Variants in COL4A5 observed in about 807,000 individuals in gnomAD.
The protein encoded by COL4A5 is collagen alpha-5(IV) chain.
In COL4A5, 26 loss-of-function variants were observed where a neutral mutation model predicts 130.2. The observed-to-expected ratio is 0.20, with a 90% CI of 0.15 to 0.28. The LOEUF is 0.28. COL4A5 is among the 10% of genes least tolerant of loss of function. The pLI, the probability that COL4A5 is intolerant of heterozygous loss-of-function variation, is 1.00. For missense variants in COL4A5, 1,131 were observed against 1,344.3 expected, an observed-to-expected ratio of 0.84 and a Z score of 2.48; for synonymous variants, 496 against 439.6, an observed-to-expected ratio of 1.13 and a Z score of -1.60.
At chrX:108,645,687 G>A (rs1320833763) in intron 36 of COL4A5, among the ~76,000 whole-genome samples, 23 of 107,205 alleles carry the variant, frequency 2.1e-4, no homozygotes, top group Middle Eastern at 4.7e-3. Context: ...CCATTAACTC[G>A]TCATTTAGCA....
intron 43 of COL4A5, among the ~76,000 whole-genome samples, chrX:108,675,173 A>G (rs1450640804): frequency 9.0e-6 from 1 of 111,562 alleles, no homozygotes; most frequent in Non-Finnish European, 1.9e-5. Context: ...GAGATATACT[A>G]TTGAATACTG....
intron 1 of COL4A5, among the ~76,000 whole-genome samples, chrX:108,442,198 G>T (rs781553776): frequency 9.0e-6 from 1 of 111,726 alleles, no homozygotes; most frequent in African/African-American, 3.2e-5. Flanking sequence ...AAAACTGGTT[G>T]GTGGTAGGGC....
chrX:108,619,660 A>G (rs1051061754), intron 30 of COL4A5, among the ~76,000 whole-genome samples: 1 of 112,004 alleles, frequency 8.9e-6, no homozygotes, highest in Non-Finnish European at 1.9e-5. Context: ...TATTAAAACA[A>G]TGTGCAAAAC....
intron 2 of COL4A5, among the ~76,000 whole-genome samples, chrX:108,552,477 C>T (rs1161346702): frequency 9.0e-6 from 1 of 111,319 alleles, no homozygotes; most frequent in Non-Finnish European, 1.9e-5. Flanking sequence ...AAAAATCAGT[C>T]ATATGTCCAT....
chrX:108,643,536 C>T (rs1473123330), intron 36 of COL4A5, among the ~76,000 whole-genome samples: 1 of 111,822 alleles, frequency 8.9e-6, no homozygotes, highest in African/African-American at 3.3e-5. Flanking sequence ...ACCCTACAAG[C>T]TTGAAGGGAT....
intron 2 of COL4A5, among the ~76,000 whole-genome samples, chrX:108,553,926 A>G (rs2065786338): frequency 8.9e-6 from 1 of 112,146 alleles, no homozygotes; most frequent in Non-Finnish European, 1.9e-5. Context: ...TCACCATAAC[A>G]AGTTTGAATC....
At chrX:108,546,041 G>GA (rs2065646201) in intron 2 of COL4A5, among the ~76,000 whole-genome samples, 2 of 111,711 alleles carry the variant, frequency 1.8e-5, no homozygotes, top group African/African-American at 3.3e-5. Flanking sequence ...CAGCACCCTG[G>GA]TGGGTCTTCA....
intron 36 of COL4A5, among the ~76,000 whole-genome samples, chrX:108,632,088 AG>A (rs777301864): frequency 2.7e-5 from 3 of 111,606 alleles, no homozygotes; most frequent in Non-Finnish European, 3.8e-5. Context: ...TAGCAAGACT[AG>A]TAAAGAAGAA....
At chrX:108,684,863 TGGCAAACCAAATCC>T (rs752103711) in intron 47 of COL4A5, among the ~76,000 whole-genome samples, 5 of 112,598 alleles carry the variant, frequency 4.4e-5, no homozygotes, top group African/African-American at 1.6e-4. Context: ...AAGGAAATAC[TGGCAAACCAAATCC>T]AGCAGCACAT....
At chrX:108,694,598 G>GT in intron 50 of COL4A5, 1 of 435,638 alleles carries the variant, frequency 2.3e-6, no homozygotes, top group Admixed American at 3.8e-5. Flanking sequence ...TGGTTCTGCA[G>GT]TTTTTTGAAA....
chrX:108,584,136 A>C (rs1291803739), intron 17 of COL4A5, among the ~76,000 whole-genome samples: 1 of 104,562 alleles, frequency 9.6e-6, no homozygotes, highest in Non-Finnish European at 2.0e-5. Flanking sequence ...TTTTTTTTCT[A>C]TTATCTTCTT....
chrX:108,452,860 A>G, intron 1 of COL4A5, among the ~76,000 whole-genome samples: 1 of 110,845 alleles, frequency 9.0e-6, no homozygotes, highest in East Asian at 2.8e-4. Context: ...TTCCAACACT[A>G]TGTTGAATAG....
intron 26 of COL4A5, 132 bp from the exon 27 acceptor site, chrX:108,601,753 A>T: frequency 4.0e-6 from 2 of 496,636 alleles, no homozygotes; most frequent in Non-Finnish European, 7.2e-6. Flanking sequence ...CTGGTCTCGA[A>T]CTCCTGACCT....
chrX:108,548,132 A>G (rs2065693868), intron 2 of COL4A5, among the ~76,000 whole-genome samples: 1 of 111,495 alleles, frequency 9.0e-6, no homozygotes, highest in African/African-American at 3.3e-5. Context: ...CCACTGTCTG[A>G]CAATCCCCAG....
chrX:108,451,384 G>C (rs1357074456), intron 1 of COL4A5, among the ~76,000 whole-genome samples: 1 of 111,530 alleles, frequency 9.0e-6, no homozygotes, highest in African/African-American at 3.3e-5. Flanking sequence ...TGAGTCAAAT[G>C]GTATTTCTAG....
At chrX:108,630,079 C>T (rs748275202) in intron 36 of COL4A5, among the ~76,000 whole-genome samples, 3 of 111,792 alleles carry the variant, frequency 2.7e-5, no homozygotes, top group Non-Finnish European at 5.6e-5. Context: ...TGGGTTGGTT[C>T]CAAGTCTTTG....
At chrX:108,628,008 A>T (rs910702315) in intron 36 of COL4A5, among the ~76,000 whole-genome samples, 3 of 110,877 alleles carry the variant, frequency 2.7e-5, no homozygotes, top group Non-Finnish European at 5.7e-5. Flanking sequence ...TCATATTTTA[A>T]TTAATATATA....
chrX:108,507,190 T>C (rs1400324016), intron 1 of COL4A5, among the ~76,000 whole-genome samples: 3 of 102,212 alleles, frequency 2.9e-5, no homozygotes, highest in Non-Finnish European at 5.9e-5. Context: ...CCCAACTCAT[T>C]CTATGAGGCC....
intron 1 of COL4A5, among the ~76,000 whole-genome samples, chrX:108,492,815 A>T (rs2065004046): frequency 1.8e-5 from 2 of 111,834 alleles, no homozygotes; most frequent in Non-Finnish European, 1.9e-5. Flanking sequence ...TCCTATGAGC[A>T]AATGAATTGA....
Sources: allele counts gnomAD v4.1 joint callset (sites outside exome capture counted in the v4.1 genomes callset), GRCh38; gene constraint gnomAD v4.1.1; transcripts MANE v1.5; gene names NCBI Gene and HGNC (gene_info 2026-07-23, HGNC 2026-07-21).